NPAS2: variants seen among roughly 807,000 people sequenced by gnomAD.
NPAS2 encodes the protein neuronal PAS domain-containing protein 2.
In NPAS2, 23 loss-of-function variants were observed where a neutral mutation model predicts 107.5. That is an observed-to-expected ratio of 0.21 (90% CI 0.15 to 0.30). The LOEUF (loss-of-function observed/expected upper bound fraction) is 0.30, where lower values mean the gene tolerates loss of function less well. Ranked by LOEUF, NPAS2 falls within the 10% of genes least tolerant of loss-of-function variation. The probability of loss-of-function intolerance (pLI) is 1.00; values close to 1 mark genes in which losing one functional copy is unlikely to be tolerated. For synonymous variants in NPAS2, 403 were observed against 417.5 expected (o/e 0.97, Z 0.42); for missense variants, 756 against 1,043.3 (o/e 0.72, Z 3.79).
chr2:100,943,591 G>C (rs150327377), intron 5 of NPAS2, among the ~76,000 whole-genome samples: 3 of 152,338 alleles, frequency 2.0e-5, no homozygotes, highest in Non-Finnish European at 4.4e-5. Context: ...AGGGCCACAG[G>C]GGGCTGCACG....
intron 5 of NPAS2, among the ~76,000 whole-genome samples, chr2:100,947,368 C>T (rs911038603): frequency 1.1e-4 from 16 of 151,966 alleles, no homozygotes; most frequent in African/African-American, 3.1e-4. Context: ...CTGGCCAACA[C>T]GGTGAAACCC....
rs965273122 is a variant in NPAS2 at position 100,893,620 on chromosome 2, G to A, written c.-22-11113G>A. Among the ~76,000 whole-genome samples, 8 of 152,284 alleles carry A rather than the reference G, an allele frequency of 5.3e-5. 1 individual carries two copies. The highest frequency in any genetic ancestry group is 3.4e-3 in the Middle Eastern group (1 of 294). On this transcript the variant is annotated intron_variant, in intron 1 of 20. Transcript: ENST00000335681. ...CAAAGTGACCCACTGGGCCTATAAA[G>A]ACTTTACAAAAAATTCTAAATTAAA...
chr2:100,835,937 T>C (rs1228954516), intron 1 of NPAS2, among the ~76,000 whole-genome samples: 2 of 152,196 alleles, frequency 1.3e-5, no homozygotes, highest in Non-Finnish European at 2.9e-5. Context: ...AAGCAAGATA[T>C]TACCGACTTT....
intron 16 of NPAS2, chr2:100,985,555 A>G (rs1185175976): frequency 6.6e-6 from 1 of 152,240 alleles, no homozygotes; most frequent in Non-Finnish European, 1.5e-5. Context: ...CACCATTCAT[A>G]TGTTTATTCA....
intron 5 of NPAS2, among the ~76,000 whole-genome samples, chr2:100,943,492 G>A (rs993249744): frequency 5.3e-5 from 8 of 152,142 alleles, no homozygotes; most frequent in Non-Finnish European, 7.3e-5. Context: ...AGGGTAATGC[G>A]GATGTCTGAA....
chr2:100,852,265 T>G (rs34011736), intron 1 of NPAS2, among the ~76,000 whole-genome samples: 1 of 151,636 alleles, frequency 6.6e-6, no homozygotes, highest in Non-Finnish European at 1.5e-5. Flanking sequence ...GGCGTGGTGG[T>G]GGGTGCCTGT....
At chr2:100,977,019 G>A (rs1158415767) in intron 14 of NPAS2, 3 of 151,262 alleles carry the variant, frequency 2.0e-5, no homozygotes, top group Admixed American at 1.3e-4. Flanking sequence ...AACTTCAGAC[G>A]AGTCCTTTCA....
At chr2:100,856,915 C>T (rs1052107966) in intron 1 of NPAS2, among the ~76,000 whole-genome samples, 2 of 152,128 alleles carry the variant, frequency 1.3e-5, no homozygotes, top group African/African-American at 2.4e-5. Context: ...GGAAGTAGGG[C>T]AGGTGATGGA....
At chr2:100,952,433 G>A (rs1360292055) in intron 7 of NPAS2, among the ~76,000 whole-genome samples, 4 of 151,990 alleles carry the variant, frequency 2.6e-5, no homozygotes, top group East Asian at 1.9e-4. Flanking sequence ...GCATGATGGC[G>A]GGTGCCTGTA....
At chr2:100,926,396 A>G (rs1048041724) in intron 3 of NPAS2, among the ~76,000 whole-genome samples, 2 of 152,222 alleles carry the variant, frequency 1.3e-5, no homozygotes, top group Non-Finnish European at 2.9e-5. Flanking sequence ...CCCAGCAGCA[A>G]TGTATGAGGG....
intron 2 of NPAS2, among the ~76,000 whole-genome samples, chr2:100,920,013 C>G (rs1002034480): frequency 3.4e-4 from 51 of 152,204 alleles, no homozygotes; most frequent in African/African-American, 1.2e-3. Flanking sequence ...ATTGCCGCCT[C>G]CTCCATATCG....
intron 2 of NPAS2, among the ~76,000 whole-genome samples, chr2:100,923,325 A>G (rs533196286): frequency 4.6e-5 from 7 of 152,290 alleles, no homozygotes; most frequent in East Asian, 3.9e-4. Context: ...GAATTGCCCA[A>G]ATGTTATCAG....
chr2:100,836,907 TG>T (rs1339568479), intron 1 of NPAS2, among the ~76,000 whole-genome samples: 12 of 152,194 alleles, frequency 7.9e-5, no homozygotes, highest in African/African-American at 2.9e-4. Context: ...GTCTGTGAAT[TG>T]TGAAACATGG....
At chr2:100,970,823 G>A (rs1558924030) in intron 11 of NPAS2, 167 bp from the exon 12 acceptor site, 2 of 512,036 alleles carry the variant, frequency 3.9e-6, no homozygotes, top group Admixed American at 3.7e-5. Flanking sequence ...GGCAGAGAAC[G>A]ACGCTCATTC....
intron 1 of NPAS2, among the ~76,000 whole-genome samples, chr2:100,856,074 A>G (rs1678536501): frequency 6.6e-6 from 1 of 152,210 alleles, no homozygotes; most frequent in African/African-American, 2.4e-5. Context: ...TAAGAGCCCT[A>G]CTTAAGCAAA....
At chr2:100,835,445 A>G (rs1320447745) in intron 1 of NPAS2, among the ~76,000 whole-genome samples, 1 of 151,772 alleles carries the variant, frequency 6.6e-6, no homozygotes, top group African/African-American at 2.4e-5. Context: ...GTAGGAAACC[A>G]CTCCAGTTTG....
intron 1 of NPAS2, among the ~76,000 whole-genome samples, chr2:100,824,978 G>A (rs1307878710): frequency 6.6e-6 from 1 of 152,180 alleles, no homozygotes; most frequent in Non-Finnish European, 1.5e-5. Flanking sequence ...GGCATCGTCA[G>A]GCATGGGAGT....
At chr2:100,923,888 G>A (rs1683397573) in intron 2 of NPAS2, among the ~76,000 whole-genome samples, 1 of 152,066 alleles carries the variant, frequency 6.6e-6, no homozygotes, top group South Asian at 2.1e-4. Context: ...AGGGCTTTTT[G>A]CATCACGTGT....
At chr2:100,833,392 T>C (rs770691728) in intron 1 of NPAS2, among the ~76,000 whole-genome samples, 61 of 152,224 alleles carry the variant, frequency 4.0e-4, no homozygotes, top group Non-Finnish European at 1.6e-4. Context: ...TGTGACCAGT[T>C]CACTCAAACT....
Sources: gnomAD v4.1 joint callset for allele counts (sites outside exome capture counted in the v4.1 genomes callset) on GRCh38, gnomAD v4.1.1 for gene constraint, MANE v1.5 for transcripts, NCBI Gene and HGNC (gene_info 2026-07-23, HGNC 2026-07-21) for gene names.